The following EEF1AKMT2 variants were observed in gnomAD, a reference collection of about 807,000 sequenced individuals.
EEF1AKMT2 encodes EEF1A lysine methyltransferase 2, also known as eukaryotic translation elongation factor 1 alpha lysine methyltransferase 2.
EEF1AKMT2 carries 32 observed loss-of-function variants against 35.8 expected under a neutral mutation model. The observed-to-expected ratio is 0.89, with a 90% CI of 0.67 to 1.20. The LOEUF (loss-of-function observed/expected upper bound fraction) is 1.20, where lower values mean the gene tolerates loss of function less well. EEF1AKMT2 is among the 50% of genes most tolerant of loss of function. EEF1AKMT2 has a pLI of 0.00. For synonymous variants in EEF1AKMT2, 121 were observed against 133.7 expected, an observed-to-expected ratio of 0.91 and a Z score of 0.65; for missense variants, 330 against 347.5, an observed-to-expected ratio of 0.95 and a Z score of 0.40.
chr10:124,771,470 C>T (rs528846859), intron 4 of EEF1AKMT2, among the ~76,000 whole-genome samples: 2 of 152,262 alleles, frequency 1.3e-5, no homozygotes, highest in Admixed American at 6.5e-5. Context: ...CATCCATAGC[C>T]TTATGAAATG....
chr10:124,780,208 C>T (rs555180761), intron 3 of EEF1AKMT2, among the ~76,000 whole-genome samples: 19 of 152,260 alleles, frequency 1.2e-4, no homozygotes, highest in African/African-American at 4.6e-4. Context: ...GGCTGTATTC[C>T]AACAAATATT....
chr10:124,777,924 T>C (rs1028843357), intron 3 of EEF1AKMT2, among the ~76,000 whole-genome samples: 1 of 152,172 alleles, frequency 6.6e-6, no homozygotes, highest in African/African-American at 2.4e-5. Flanking sequence ...AACTGAAACA[T>C]TGTTATGTAG....
At chr10:124,790,467 T>C (rs1274760786) in intron 1 of EEF1AKMT2, 129 bp from the exon 2 acceptor site, 1 of 675,258 alleles carries the variant, frequency 1.5e-6, no homozygotes, top group Non-Finnish European at 2.6e-6. Context: ...TATTAATAAA[T>C]ACACATAGTT....
chr10:124,757,756 T>G (rs569644197), downstream of EEF1AKMT2: 3 of 151,924 alleles, frequency 2.0e-5, no homozygotes, highest in Non-Finnish European at 4.4e-5. Flanking sequence ...GAAGATTGCA[T>G]GCGTACCACA....
At position 124,758,949 on chromosome 10, in the gene EEF1AKMT2, A is replaced by G. The variant is rs1351630060; in HGVS notation, c.*1554T>C. 1.3e-5 allele frequency: 2 copies of G among 152,178 alleles called. No individual in the cohort carries two copies. The highest frequency in any genetic ancestry group is 6.5e-5 in the Admixed American group (1 of 15,276). The allele number at this position is 152,178 out of a possible 1,614,324, so 9.4% of individuals were successfully genotyped here. A position where few individuals can be genotyped will look rare whatever the true frequency, so the allele number is the denominator to read the frequency against. On this transcript the variant is annotated 3_prime_UTR_variant, in exon 7 of 7. Transcript: ENST00000368836. ...ACAGTCCACATACATGTCTTCAACT[A>G]TCTTGTCTTAATGGTTGATCAATGT...
chr10:124,756,523 T>C (rs986165473), downstream of EEF1AKMT2, among the ~76,000 whole-genome samples: 3 of 152,258 alleles, frequency 2.0e-5, no homozygotes, highest in African/African-American at 7.2e-5. Context: ...AAAATTCAGC[T>C]AGAGAAGTCC....
chr10:124,784,603 A>G (rs1589792830), intron 3 of EEF1AKMT2, among the ~76,000 whole-genome samples: 1 of 145,740 alleles, frequency 6.9e-6, no homozygotes, highest in African/African-American at 2.5e-5. Context: ...AATCAGGAAG[A>G]AAAAAAAAAA....
Position 124,765,470 on chromosome 10 carries a change from C to T in EEF1AKMT2, c.538G>A (p.Val180Met). 6.2e-7 allele frequency: 1 copy of T among 1,614,014 alleles called. No individual in the cohort carries two copies. Among genetic ancestry groups the T allele is most frequent in the African/African-American group, 1.3e-5 (1 of 75,042 alleles). Residue 180 changes from valine to methionine, a missense_variant, in exon 5 of 7, where the codon GTG becomes ATG. Transcript: ENST00000368836. The stretch of plus-strand genomic sequence containing the variant: ...AGAAAAAAGCCTTTTACTTTCAACA[C>T]CCTGGAGAGAGATTTCACATATTGC... ...RKQYVKSLSR[V>M]LKVKGFFLIT...
Position 124,758,265 on chromosome 10 carries a change from T to C in EEF1AKMT2, c.*2238A>G, listed in dbSNP as rs1950302202. The C allele has an allele frequency of 1.3e-5, 2 of 152,252 alleles. No individual in the cohort carries two copies. The allele number at this position is 152,252 out of a possible 1,614,324, so 9.4% of individuals were successfully genotyped here. A position where few individuals can be genotyped will look rare whatever the true frequency, so the allele number is the denominator to read the frequency against. On this transcript the variant is annotated 3_prime_UTR_variant, in exon 7 of 7. Coordinates refer to ENST00000368836, the MANE Select transcript of EEF1AKMT2 (RefSeq NM_212554.4). The stretch of plus-strand genomic sequence containing the variant: ...TCTGTCACAGTTACCCACATATTTA[T>C]ACAATTTAACAATACTAAGTTAAAT...
At chr10:124,778,648 C>T (rs1950509402) in intron 3 of EEF1AKMT2, among the ~76,000 whole-genome samples, 1 of 151,560 alleles carries the variant, frequency 6.6e-6, no homozygotes, top group Non-Finnish European at 1.5e-5. Context: ...CACTTGAACC[C>T]CGGAAGCAGA....
At chr10:124,780,047 T>C (rs977578772) in intron 3 of EEF1AKMT2, among the ~76,000 whole-genome samples, 3 of 152,124 alleles carry the variant, frequency 2.0e-5, no homozygotes, top group Non-Finnish European at 4.4e-5. Flanking sequence ...CACTCCAGCC[T>C]GGGCGACAGA....
chr10:124,758,713 TC>T lies in EEF1AKMT2; in HGVS notation c.*1789del, dbSNP rs1950306522. On this transcript the variant is annotated 3_prime_UTR_variant, in exon 7 of 7. Transcript: ENST00000368836. ...TAACTCAAAATTCTAAGAGTACTTATCTATGTTATATTTGAAATCAAAGAAT... is the reference window on the plus strand; with the variant it reads ...TAACTCAAAATTCTAAGAGTACTTATTATGTTATATTTGAAATCAAAGAAT... 1 of 152,068 alleles carries T rather than the reference TC, an allele frequency of 6.6e-6. No homozygotes were observed. The highest frequency in any genetic ancestry group is 2.1e-4 in the South Asian group (1 of 4,834). 9.4% of individuals were successfully genotyped at this position (152,068 alleles called of 1,614,324 possible).
At position 124,774,762 on chromosome 10, in the gene EEF1AKMT2, A is replaced by C. The variant is rs1204728654; in HGVS notation, c.312T>G (p.Asn104Lys). Residue 104 changes from asparagine to lysine, a missense_variant, in exon 4 of 7, where the codon AAT becomes AAG. Asn to Lys is a moderately conservative substitution (Grantham distance 94). Transcript: ENST00000368836. ...AAGGAGAGTAATCAATTCCAGTAAT[A>C]TTAGAGAAACCAAATTTTGCCTAGA... ...LVELAKFGFS[N>K]ITGIDYSPSA... 6.8e-7 allele frequency: 1 copy of C among 1,470,396 alleles called. No individual in the cohort carries two copies. The highest frequency in any genetic ancestry group is 2.6e-5 in the East Asian group (1 of 38,922). The allele number at this position is 1,470,396 out of a possible 1,614,324, so 91.1% of individuals were successfully genotyped here. A position where few individuals can be genotyped will look rare whatever the true frequency, so the allele number is the denominator to read the frequency against.
chr10:124,782,348 C>T (rs570243471), intron 3 of EEF1AKMT2, among the ~76,000 whole-genome samples: 49 of 151,686 alleles, frequency 3.2e-4, no homozygotes, highest in Non-Finnish European at 5.7e-4. Context: ...TTTGGGAGGC[C>T]GAGGCGGGAG....
chr10:124,757,723 A>C (rs767715670), downstream of EEF1AKMT2: 3 of 152,132 alleles, frequency 2.0e-5, no homozygotes, highest in Non-Finnish European at 4.4e-5. Context: ...TTCTTCAAAA[A>C]AAAAACAAAA....
intron 4 of EEF1AKMT2, among the ~76,000 whole-genome samples, chr10:124,773,176 G>C (rs1490499527): frequency 6.6e-6 from 1 of 152,082 alleles, no homozygotes; most frequent in Non-Finnish European, 1.5e-5. Flanking sequence ...TTGAGGTGGG[G>C]GTTGTTTATT....
intron 3 of EEF1AKMT2, among the ~76,000 whole-genome samples, chr10:124,787,646 T>C (rs924209989): frequency 1.3e-5 from 2 of 150,968 alleles, no homozygotes; most frequent in South Asian, 4.2e-4. Context: ...AATCAAAATA[T>C]GAGGCGACAG....
rs1025409015 is a variant in EEF1AKMT2 at position 124,760,094 on chromosome 10, C to T, written c.*409G>A. The T allele has an allele frequency of 2.0e-5, 6 of 298,972 alleles. No individual in the cohort carries two copies. Among genetic ancestry groups the T allele is most frequent in the Non-Finnish European group, 3.6e-5 (6 of 165,092 alleles). 18.5% of individuals were successfully genotyped at this position (298,972 alleles called of 1,614,324 possible). A position where few individuals can be genotyped will look rare whatever the true frequency, so the allele number is the denominator to read the frequency against. On this transcript the variant is annotated 3_prime_UTR_variant, in exon 7 of 7. Transcript: ENST00000368836. ...TACCAAGGCACAAAAATCAAGAATA[C>T]ATGCTTTCTATAAACTCATTTACTA...
downstream of EEF1AKMT2, among the ~76,000 whole-genome samples, chr10:124,757,451 C>T (rs938934765): frequency 1.3e-5 from 2 of 152,024 alleles, no homozygotes; most frequent in African/African-American, 4.8e-5. Context: ...AGAACATAGA[C>T]GAAAGTCATT....
Sources: gnomAD v4.1 joint callset for allele counts (sites outside exome capture counted in the v4.1 genomes callset) on GRCh38, gnomAD v4.1.1 for gene constraint, MANE v1.5 for transcripts, NCBI Gene and HGNC (gene_info 2026-07-23, HGNC 2026-07-21) for gene names.